Variants in FHIT observed in about 807,000 individuals in gnomAD.
FHIT encodes the protein bis(5'-adenosyl)-triphosphatase.
FHIT carries 19 observed loss-of-function variants against 17.9 expected under a neutral mutation model. The ratio of observed to expected loss-of-function variants is 1.06; its 90% CI spans 0.74 to 1.56. FHIT has a LOEUF of 1.56. Ranked by LOEUF, FHIT falls within the 40% of genes most tolerant of loss-of-function variation. The pLI is 0.00. For synonymous variants in FHIT, 81 were observed against 69.7 expected (o/e 1.16, Z -0.81); for missense variants, 248 against 189.2 (o/e 1.31, Z -1.82).
intron 4 of FHIT, among the ~76,000 whole-genome samples, chr3:60,726,541 T>C (rs1477747234): frequency 6.6e-6 from 1 of 152,154 alleles, no homozygotes; most frequent in Non-Finnish European, 1.5e-5. Flanking sequence ...GGAGAAAATG[T>C]AGACGAGATA....
intron 1 of FHIT, among the ~76,000 whole-genome samples, chr3:61,243,402 C>T (rs980380587): frequency 1.3e-5 from 2 of 152,226 alleles, no homozygotes; most frequent in African/African-American, 2.4e-5. Context: ...CTTTTTTCCT[C>T]CCTCACAATC....
At chr3:60,462,162 A>G (rs373184955) in intron 5 of FHIT, among the ~76,000 whole-genome samples, 1 of 152,206 alleles carries the variant, frequency 6.6e-6, no homozygotes, top group East Asian at 1.9e-4. Context: ...ATCTAATGGA[A>G]GGATGATCAT....
intron 5 of FHIT, among the ~76,000 whole-genome samples, chr3:60,403,245 C>G (rs1165101709): frequency 6.6e-6 from 1 of 152,162 alleles, no homozygotes; most frequent in African/African-American, 2.4e-5. Flanking sequence ...GTAGGTTTGT[C>G]TTCATGCAGC....
intron 5 of FHIT, among the ~76,000 whole-genome samples, chr3:60,408,526 G>A (rs999032043): frequency 2.6e-5 from 4 of 152,114 alleles, no homozygotes; most frequent in African/African-American, 4.8e-5. Context: ...AATGATAGAG[G>A]ATGAGGAAAA....
intron 1 of FHIT, among the ~76,000 whole-genome samples, chr3:61,246,389 T>G (rs1234906546): frequency 6.6e-6 from 1 of 152,154 alleles, no homozygotes; most frequent in African/African-American, 2.4e-5. Context: ...CAAGAACACT[T>G]AAAGTCTACA....
intron 5 of FHIT, among the ~76,000 whole-genome samples, chr3:60,115,835 TGTA>T (rs777426835): frequency 6.6e-6 from 1 of 152,010 alleles, no homozygotes; most frequent in Non-Finnish European, 1.5e-5. Context: ...ATTATGTGCA[TGTA>T]TAATACATAT....
At chr3:60,517,726 A>T (rs1442863421) in intron 5 of FHIT, among the ~76,000 whole-genome samples, 1 of 152,226 alleles carries the variant, frequency 6.6e-6, no homozygotes, top group East Asian at 1.9e-4. Flanking sequence ...GACACATTAT[A>T]GTTGTGCCAC....
chr3:60,143,189 T>C (rs1265607011), intron 5 of FHIT, among the ~76,000 whole-genome samples: 2 of 152,214 alleles, frequency 1.3e-5, no homozygotes, highest in African/African-American at 4.8e-5. Flanking sequence ...GGGCACATCA[T>C]AGCCACGGTA....
In FHIT at chr3:59,749,258, GTAATAGGTTTGTTGCC is replaced by G. The variant is rs1700751452; in HGVS notation, c.*311_*326del. ...TTCCTTTAAAAAAGTAACTGTAACT[GTAATAGGTTTGTTGCC>G]TAATTCATGGCAAGTCAATACACCG... On this transcript the variant is annotated 3_prime_UTR_variant, in exon 10 of 10. Transcript: ENST00000492590. 4.3e-6 allele frequency: 1 copy of G among 230,760 alleles called. No homozygotes were observed. The highest frequency in any genetic ancestry group is 1.8e-4 in the South Asian group (1 of 5,500). The allele number at this position is 230,760 out of a possible 1,614,324, so 14.3% of individuals were successfully genotyped here. A position where few individuals can be genotyped will look rare whatever the true frequency, so the allele number is the denominator to read the frequency against.
At chr3:59,995,077 GTCTGGGTATGTCTGAGC>G (rs1327763561) in intron 7 of FHIT, among the ~76,000 whole-genome samples, 5 of 151,922 alleles carry the variant, frequency 3.3e-5, no homozygotes, top group Non-Finnish European at 7.4e-5. Context: ...CCCAATGAGG[GTCTGGGTATGTCTGAGC>G]TCTGAATGTT....
intron 1 of FHIT, among the ~76,000 whole-genome samples, chr3:61,227,282 G>C (rs985995909): frequency 6.6e-6 from 1 of 152,052 alleles, no homozygotes; most frequent in Non-Finnish European, 1.5e-5. Flanking sequence ...TCAATCCCTA[G>C]TTTAGAAAAT....
intron 1 of FHIT, among the ~76,000 whole-genome samples, chr3:61,210,882 C>A (rs2039443861): frequency 6.6e-6 from 1 of 151,948 alleles, no homozygotes; most frequent in South Asian, 2.1e-4. Context: ...AGAAATCACC[C>A]ATCTTCTGTG....
chr3:60,692,060 T>C (rs2041004181), intron 4 of FHIT, among the ~76,000 whole-genome samples: 1 of 152,216 alleles, frequency 6.6e-6, no homozygotes. Flanking sequence ...AATGACATGT[T>C]GGTTTACAAA....
intron 4 of FHIT, among the ~76,000 whole-genome samples, chr3:60,543,890 G>A (rs932812512): frequency 1.6e-5 from 2 of 123,514 alleles, no homozygotes; most frequent in African/African-American, 3.1e-5. Context: ...GACTACAAGC[G>A]CCCGCACCAC....
intron 2 of FHIT, among the ~76,000 whole-genome samples, chr3:61,155,205 A>G (rs1465634275): frequency 6.6e-6 from 1 of 152,146 alleles, no homozygotes; most frequent in Non-Finnish European, 1.5e-5. Context: ...AAGTCCCCTC[A>G]TAAGAGAGGG....
At chr3:60,710,090 A>C (rs28856934) in intron 4 of FHIT, among the ~76,000 whole-genome samples, 2,921 of 151,964 alleles carry the variant, frequency 0.019, 116 homozygotes, top group African/African-American at 0.066. Flanking sequence ...AAAAAAAAAA[A>C]AAAAACTCAA....
At chr3:60,341,833 A>G (rs942552682) in intron 5 of FHIT, among the ~76,000 whole-genome samples, 1 of 152,106 alleles carries the variant, frequency 6.6e-6, no homozygotes, top group Non-Finnish European at 1.5e-5. Flanking sequence ...AAATATTCGC[A>G]CCGCCTGGGT....
At chr3:59,762,314 GATA>G (rs1701561955) in intron 8 of FHIT, among the ~76,000 whole-genome samples, 1 of 152,200 alleles carries the variant, frequency 6.6e-6, no homozygotes, top group African/African-American at 2.4e-5. Flanking sequence ...TGAAACTGGA[GATA>G]AGAGGGGACT....
At chr3:61,215,448 G>C (rs569368908) in intron 1 of FHIT, among the ~76,000 whole-genome samples, 2 of 152,104 alleles carry the variant, frequency 1.3e-5, no homozygotes, top group Non-Finnish European at 2.9e-5. Flanking sequence ...GGACATGAAG[G>C]ACCTCTTCAA....
Sources: gnomAD v4.1 joint callset for allele counts (sites outside exome capture counted in the v4.1 genomes callset) on GRCh38, gnomAD v4.1.1 for gene constraint, MANE v1.5 for transcripts, NCBI Gene and HGNC (gene_info 2026-07-23, HGNC 2026-07-21) for gene names.